Variants in PALD1 observed in about 807,000 individuals in gnomAD.
The protein encoded by PALD1 is phosphatase domain containing paladin 1.
PALD1 carries 57 observed loss-of-function variants against 96.0 expected under a neutral mutation model. The observed-to-expected ratio is 0.59, with a 90% CI of 0.48 to 0.74. PALD1 has a LOEUF of 0.74. Ranked by LOEUF, PALD1 falls within the 30% of genes least tolerant of loss-of-function variation. The pLI is 0.00. For missense variants in PALD1, 1,063 were observed against 1,143.7 expected, an observed-to-expected ratio of 0.93 and a Z score of 1.02; for synonymous variants, 464 against 473.6, an observed-to-expected ratio of 0.98 and a Z score of 0.26.
At chr10:70,516,429 A>G (rs1846621459) in intron 1 of PALD1, among the ~76,000 whole-genome samples, 1 of 152,198 alleles carries the variant, frequency 6.6e-6, no homozygotes, top group African/African-American at 2.4e-5. Flanking sequence ...CTTGTGTGGC[A>G]CTTTAAACAG....
At chr10:70,545,242 C>T (rs938779261) in intron 17 of PALD1, among the ~76,000 whole-genome samples, 1 of 151,980 alleles carries the variant, frequency 6.6e-6, no homozygotes, top group Non-Finnish European at 1.5e-5. Context: ...CCCAGTGGTG[C>T]GGGGAGCCTT....
intron 1 of PALD1, 132 bp downstream of exon 1, chr10:70,479,191 C>T (rs1362817678): frequency 6.6e-6 from 1 of 152,370 alleles, no homozygotes; most frequent in African/African-American, 2.4e-5. Flanking sequence ...GGGCCTTCAC[C>T]CCACACCCGC....
intron 18 of PALD1, among the ~76,000 whole-genome samples, chr10:70,554,709 T>G (rs1208712711): frequency 6.6e-6 from 1 of 151,918 alleles, no homozygotes; most frequent in African/African-American, 2.4e-5. Flanking sequence ...TTCCTGGGCT[T>G]TGCCTGGTGA....
intron 1 of PALD1, among the ~76,000 whole-genome samples, chr10:70,517,475 G>A (rs755716240): frequency 2.6e-5 from 4 of 151,948 alleles, no homozygotes; most frequent in South Asian, 2.1e-4. Context: ...CTGAGAAGCC[G>A]GGACTACAGG....
intron 2 of PALD1, among the ~76,000 whole-genome samples, chr10:70,528,495 C>T (rs1351653142): frequency 1.3e-5 from 2 of 152,182 alleles, no homozygotes; most frequent in Non-Finnish European, 2.9e-5. Context: ...TTGTCCAAAG[C>T]TATAGAGTTA....
intron 1 of PALD1, among the ~76,000 whole-genome samples, chr10:70,509,920 A>C (rs1846479075): frequency 6.6e-6 from 1 of 152,230 alleles, no homozygotes; most frequent in South Asian, 2.1e-4. Context: ...TCAGCCGCTG[A>C]AATGTCTGAA....
Position 70,497,172 on chromosome 10 carries a change from G to T in PALD1, c.-30+18113G>T, listed in dbSNP as rs530803195. Among the ~76,000 whole-genome samples, 4 of 152,392 alleles carry T rather than the reference G, an allele frequency of 2.6e-5. No homozygotes were observed. The East Asian group carries it at 7.7e-4, about 29-fold the overall frequency. The stretch of plus-strand genomic sequence containing the variant: ...GAGAGATGAGGAGGGCTTGCTGTTT[G>T]TTGGATGTTGGTGCTGGCCAGGCAC... On this transcript the variant is annotated intron_variant, in intron 1 of 19. Transcript: ENST00000263563.
intron 17 of PALD1, among the ~76,000 whole-genome samples, chr10:70,546,894 T>G (rs1847376189): frequency 6.6e-6 from 1 of 152,122 alleles, no homozygotes; most frequent in Non-Finnish European, 1.5e-5. Flanking sequence ...GAGGCTTCAG[T>G]AAGCCCTGAT....
At position 70,540,165 on chromosome 10, in the gene PALD1, T is replaced by C. The variant is rs1465196705; in HGVS notation, c.1908+403T>C. Among the ~76,000 whole-genome samples, 2 of 151,484 alleles carry C rather than the reference T, an allele frequency of 1.3e-5. No individual in the cohort carries two copies. Among genetic ancestry groups the C allele is most frequent in the African/African-American group, 4.9e-5 (2 of 41,212 alleles). On this transcript the variant is annotated intron_variant, in intron 15 of 19. Transcript: ENST00000263563. This position sits in a 1 kb window ranked among gnomAD's most constrained non-coding sequence, Gnocchi z 4.2. ...GGGTGTGTGTGTATTCTGTTACAGG[T>C]GTGTGTGTGTATTTGTTATAAGGTG...
rs1180286590 is a variant in PALD1, at chr10:70,539,129, A to G, written c.1607A>G (p.Lys536Arg). 6.2e-7 allele frequency: 1 copy of G among 1,613,732 alleles called. No homozygotes were observed. Among genetic ancestry groups the G allele is most frequent in the Non-Finnish European group, 8.5e-7 (1 of 1,179,884 alleles). Residue 536 changes from lysine (K) to arginine (R), a missense_variant, in exon 14 of 20, where the codon AAG becomes AGG. Lys to Arg is a conservative substitution (Grantham distance 26, BLOSUM62 2). Coordinates refer to ENST00000263563, the MANE Select transcript of PALD1 (RefSeq NM_014431.3). This position sits in a 1 kb window ranked among gnomAD's most constrained non-coding sequence, Gnocchi z 4.5. ...ATCCTGGCCTACCTGACGGACGCCA[A>G]GAGGAGGCTGCGGAAGGTTGTCTGG... is the stretch of plus-strand genomic sequence containing the variant. ...GSILAYLTDA[K>R]RRLRKVVWVS...
intron 17 of PALD1, among the ~76,000 whole-genome samples, chr10:70,545,990 A>G (rs1159114606): frequency 6.6e-6 from 1 of 152,028 alleles, no homozygotes; most frequent in East Asian, 1.9e-4. Flanking sequence ...TAATCCCAGC[A>G]CTTTGGGAGA....
intron 18 of PALD1, among the ~76,000 whole-genome samples, chr10:70,551,100 C>T (rs60235450): frequency 0.046 from 6,955 of 152,272 alleles, 356 homozygotes; most frequent in African/African-American, 0.13. Context: ...TCCCAGCCCA[C>T]GCTCCTCCCC....
chr10:70,549,046 CAAAAA>C (rs71472976), intron 18 of PALD1, among the ~76,000 whole-genome samples: 1 of 74,692 alleles, frequency 1.3e-5, no homozygotes, highest in Admixed American at 1.7e-4. Flanking sequence ...TTGTCTCTAC[CAAAAA>C]AAAAAAAAAA....
chr10:70,494,241 C>T (rs1030389079), intron 1 of PALD1, among the ~76,000 whole-genome samples: 3 of 152,248 alleles, frequency 2.0e-5, no homozygotes, highest in African/African-American at 7.2e-5. Flanking sequence ...AATTTCACCT[C>T]TTCCCTGCAT....
At chr10:70,485,669 C>G (rs1846007543) in intron 1 of PALD1, 1 of 152,206 alleles carries the variant, frequency 6.6e-6, no homozygotes, top group South Asian at 2.1e-4. Context: ...CCCGGCCCCC[C>G]AAAGTGCTGG....
At chr10:70,528,772 C>A (rs896913479) in intron 2 of PALD1, among the ~76,000 whole-genome samples, 2 of 152,190 alleles carry the variant, frequency 1.3e-5, no homozygotes, top group Non-Finnish European at 2.9e-5. Context: ...ATCATCCAGG[C>A]CCCTTCTCCC....
At chr10:70,548,734 G>T (rs1210631343) in intron 18 of PALD1, among the ~76,000 whole-genome samples, 2 of 152,216 alleles carry the variant, frequency 1.3e-5, no homozygotes, top group Non-Finnish European at 2.9e-5. Flanking sequence ...CCCTATGCTC[G>T]GCTGTAGCTG....
chr10:70,562,328 A>G (rs374555775), intron 18 of PALD1, among the ~76,000 whole-genome samples: 4 of 152,276 alleles, frequency 2.6e-5, no homozygotes, highest in African/African-American at 7.2e-5. Context: ...GCAAGTTACC[A>G]TCTACTCTGC....
intron 17 of PALD1, among the ~76,000 whole-genome samples, chr10:70,542,793 G>T (rs1333629667): frequency 2.6e-5 from 4 of 152,198 alleles, no homozygotes; most frequent in Non-Finnish European, 4.4e-5. Flanking sequence ...ATACTCAGGA[G>T]TGGAATTGCT....
Sources: gnomAD v4.1 joint callset for allele counts (sites outside exome capture counted in the v4.1 genomes callset) on GRCh38, gnomAD v4.1.1 for gene constraint, Gnocchi (gnomAD v3.1) non-coding constraint, MANE v1.5 for transcripts, NCBI Gene and HGNC (gene_info 2026-07-23, HGNC 2026-07-21) for gene names.